NUMB: variants seen among roughly 807,000 people sequenced by gnomAD.
The protein encoded by NUMB is NUMB endocytic adaptor protein.
Under a neutral mutation model 59.7 loss-of-function variants are expected in NUMB, and 29 were observed. That is an observed-to-expected ratio of 0.49 (90% CI 0.36 to 0.66). The LOEUF (loss-of-function observed/expected upper bound fraction) is 0.66. Among genes scored for constraint, NUMB ranks in the 30% least tolerant of loss-of-function variants. The pLI is 0.00. For synonymous variants in NUMB, 288 were observed against 288.2 expected (o/e 1.00, Z 0.01); for missense variants, 723 against 822.0 (o/e 0.88, Z 1.47).
chr14:73,279,705 C>T (rs556230079), intron 11 of NUMB, among the ~76,000 whole-genome samples: 1 of 152,294 alleles, frequency 6.6e-6, no homozygotes, highest in Admixed American at 6.5e-5. Flanking sequence ...CCTACGAAAA[C>T]AATTTCAAAT....
At chr14:73,447,149 C>T (rs1264164797) in intron 1 of NUMB, among the ~76,000 whole-genome samples, 1 of 145,672 alleles carries the variant, frequency 6.9e-6, no homozygotes, top group African/African-American at 2.6e-5. Flanking sequence ...ATTGTGCCAC[C>T]GCACTCCAGC....
At chr14:73,311,842 G>C (rs1890791670) in intron 6 of NUMB, among the ~76,000 whole-genome samples, 1 of 152,066 alleles carries the variant, frequency 6.6e-6, no homozygotes, top group Admixed American at 6.6e-5. Flanking sequence ...AATTGACCTA[G>C]CAAACTCAAT....
intron 4 of NUMB, among the ~76,000 whole-genome samples, chr14:73,327,422 A>G (rs762046819): frequency 5.3e-5 from 8 of 152,052 alleles, no homozygotes; most frequent in Non-Finnish European, 8.8e-5. Flanking sequence ...ACACCCAGCT[A>G]ATTTTTGTAT....
rs1254018198 is a variant in NUMB at position 73,332,987 on chromosome 14, TTTTG to T, written c.127-9787_127-9784del. Among the ~76,000 whole-genome samples the T allele has an allele frequency of 2.4e-4, 37 of 152,144 alleles. 1 individual carries two copies. The highest frequency in any genetic ancestry group is 8.7e-4 in the African/African-American group (36 of 41,406). On this transcript the variant is annotated intron_variant, in intron 4 of 12. Coordinates refer to ENST00000555238, the MANE Select transcript of NUMB (RefSeq NM_001005743.2). The stretch of plus-strand genomic sequence containing the variant: ...ATTCCATTGTATGTATGTACCACAA[TTTTG>T]TTTATTCATACTACCATCAATGGAC...
At chr14:73,325,684 A>C (rs1264967397) in intron 4 of NUMB, among the ~76,000 whole-genome samples, 1 of 152,178 alleles carries the variant, frequency 6.6e-6, no homozygotes, top group Non-Finnish European at 1.5e-5. Flanking sequence ...GTGCTGTGAT[A>C]CAGAAAGATG....
Position 73,429,646 on chromosome 14 carries a change from TAA to T in NUMB, c.-232-19580_-232-19579del, listed in dbSNP as rs567487005. On this transcript the variant is annotated intron_variant, in intron 1 of 12. Coordinates refer to ENST00000555238, the MANE Select transcript of NUMB (RefSeq NM_001005743.2). ...CAAAAGTAGTTGTGTTTTTTGCCAT[TAA>T]AATGGCATTAAAGCTGTGTGGCTGT... 1.3e-3 allele frequency among the ~76,000 whole-genome samples: 194 copies of T among 151,308 alleles called. 4 individuals are homozygous for T. The South Asian group carries it at 0.019, about 15-fold the overall frequency.
intron 4 of NUMB, among the ~76,000 whole-genome samples, chr14:73,328,940 CT>C (rs1891807008): frequency 6.6e-6 from 1 of 152,202 alleles, no homozygotes; most frequent in Non-Finnish European, 1.5e-5. Context: ...GTGATCTCAG[CT>C]CACTACAACC....
chr14:73,353,265 T>TA (rs1351086861), intron 4 of NUMB, among the ~76,000 whole-genome samples: 77 of 150,222 alleles, frequency 5.1e-4, no homozygotes, highest in African/African-American at 1.8e-3. Context: ...TTTTGTGTTT[T>TA]TAGTAAAGAA....
In NUMB at chr14:73,276,203, A is replaced by G. The variant is rs1304198448; in HGVS notation, c.*375T>C. On this transcript the variant is annotated 3_prime_UTR_variant, in exon 13 of 13. Transcript: ENST00000555238. The stretch of plus-strand genomic sequence containing the variant: ...GACAGGAGGCAGGTGAATGGCCTGA[A>G]AAACAAAGGGAGATTGCTTTGCTTC... 1.1e-5 allele frequency: 2 copies of G among 188,086 alleles called. No homozygotes were observed. Among genetic ancestry groups the G allele is most frequent in the East Asian group, 1.4e-4 (1 of 7,382 alleles). 11.7% of individuals were successfully genotyped at this position (188,086 alleles called of 1,614,324 possible). A position where few individuals can be genotyped will look rare whatever the true frequency, so the allele number is the denominator to read the frequency against.
chr14:73,444,330 C>T (rs967651356), intron 1 of NUMB, among the ~76,000 whole-genome samples: 1 of 147,458 alleles, frequency 6.8e-6, no homozygotes, highest in African/African-American at 2.5e-5. Context: ...ACCCGGGAGG[C>T]GGAAGTTGCA....
intron 1 of NUMB, among the ~76,000 whole-genome samples, chr14:73,440,020 G>C (rs764687611): frequency 4.0e-4 from 61 of 151,976 alleles, no homozygotes; most frequent in Non-Finnish European, 8.1e-4. Context: ...ACCTATTCTT[G>C]CAACTCTAAA....
chr14:73,290,398 T>G (rs1030852392), intron 8 of NUMB, among the ~76,000 whole-genome samples: 1 of 152,234 alleles, frequency 6.6e-6, no homozygotes, highest in African/African-American at 2.4e-5. Context: ...AACCACTTTC[T>G]CCATTTATAG....
intron 1 of NUMB, among the ~76,000 whole-genome samples, chr14:73,442,899 G>A (rs186789390): frequency 5.3e-5 from 8 of 152,198 alleles, no homozygotes; most frequent in Non-Finnish European, 7.4e-5. Flanking sequence ...GTCTGGCTCT[G>A]TCGTCCCATC....
intron 1 of NUMB, among the ~76,000 whole-genome samples, chr14:73,410,580 A>T (rs1896853574): frequency 6.6e-6 from 1 of 152,264 alleles, no homozygotes; most frequent in Admixed American, 6.5e-5. Flanking sequence ...GTATAAAGTT[A>T]CCAATTATGC....
chr14:73,433,711 T>C (rs74061118), intron 1 of NUMB, among the ~76,000 whole-genome samples: 7,846 of 152,216 alleles, frequency 0.052, 659 homozygotes, highest in African/African-American at 0.18. Flanking sequence ...GATAAAAATC[T>C]CCTTTGATAA....
intron 9 of NUMB, chr14:73,284,983 G>C (rs1295950500): frequency 2.6e-5 from 4 of 152,176 alleles, no homozygotes; most frequent in African/African-American, 9.7e-5. Flanking sequence ...AAGTAGCTGG[G>C]ATTACAGGTG....
intron 1 of NUMB, among the ~76,000 whole-genome samples, chr14:73,417,552 A>T (rs78255401): frequency 1.3e-4 from 19 of 143,458 alleles, no homozygotes; most frequent in African/African-American, 4.6e-4. Flanking sequence ...ACCCTCTCTC[A>T]AAAAAAAAAA....
intron 6 of NUMB, among the ~76,000 whole-genome samples, chr14:73,311,617 G>C (rs531637711): frequency 6.6e-6 from 1 of 152,122 alleles, no homozygotes; most frequent in African/African-American, 2.4e-5. Context: ...ATTCAGAATC[G>C]GGGCAAACAA....
intron 3 of NUMB, among the ~76,000 whole-genome samples, chr14:73,366,172 T>C (rs932748702): frequency 6.6e-6 from 1 of 152,230 alleles, no homozygotes; most frequent in Non-Finnish European, 1.5e-5. Context: ...TTAGGCTCAA[T>C]GGGTACTTCT....
Sources: gnomAD v4.1 joint callset for allele counts (sites outside exome capture counted in the v4.1 genomes callset) on GRCh38, gnomAD v4.1.1 for gene constraint, MANE v1.5 for transcripts, NCBI Gene and HGNC (gene_info 2026-07-23, HGNC 2026-07-21) for gene names.